The following DNAAF11 variants were observed in gnomAD, a reference collection of about 807,000 sequenced individuals.
DNAAF11 encodes leucine rich repeat containing 6.
DNAAF11 carries 45 observed loss-of-function variants against 60.8 expected under a neutral mutation model. The observed-to-expected ratio is 0.74, with a 90% CI of 0.58 to 0.95. DNAAF11 has a LOEUF of 0.95. DNAAF11 is among the 40% of genes least tolerant of loss of function. The pLI is 0.00. For synonymous variants in DNAAF11, 191 were observed against 183.5 expected (o/e 1.04, Z -0.33); for missense variants, 546 against 546.2 (o/e 1.00, Z 0.00).
chr8:132,631,118 T>C (rs1279981665), intron 5 of DNAAF11, among the ~76,000 whole-genome samples: 2 of 152,230 alleles, frequency 1.3e-5, no homozygotes, highest in Non-Finnish European at 2.9e-5. Flanking sequence ...TAAATATTTA[T>C]TGGGCATCTT....
the DNAAF11 span, among the ~76,000 whole-genome samples, chr8:132,690,542 A>G: frequency 1.3e-5 from 2 of 152,212 alleles, no homozygotes; most frequent in East Asian, 3.8e-4. Context: ...TGATACAATT[A>G]GCATACTATA....
chr8:132,636,914 A>C (rs1393344442), intron 4 of DNAAF11, among the ~76,000 whole-genome samples: 2 of 152,242 alleles, frequency 1.3e-5, no homozygotes, highest in Non-Finnish European at 2.9e-5. Flanking sequence ...CAGAAGTCTA[A>C]GAAACAAACG....
At chr8:132,688,775 C>A in the DNAAF11 span, among the ~76,000 whole-genome samples, 1 of 152,128 alleles carries the variant, frequency 6.6e-6, no homozygotes, top group Admixed American at 6.6e-5. Context: ...CACTCTTGGA[C>A]TTTTTGTATA....
At chr8:132,637,270 CTG>C (rs1821399805) in intron 4 of DNAAF11, among the ~76,000 whole-genome samples, 1 of 152,154 alleles carries the variant, frequency 6.6e-6, no homozygotes, top group Admixed American at 6.6e-5. Flanking sequence ...GCACAGCAGT[CTG>C]TGTTTTGAAA....
chr8:132,572,573 G>T (rs16904707), intron 11 of DNAAF11, 93 bp from the exon 12 acceptor site: 4 of 882,328 alleles, frequency 4.5e-6, no homozygotes, highest in Non-Finnish European at 5.2e-6. Flanking sequence ...TTCAGCAAAC[G>T]TTGGCAAGTA....
At chr8:132,688,773 G>A in the DNAAF11 span, among the ~76,000 whole-genome samples, 2 of 152,096 alleles carry the variant, frequency 1.3e-5, no homozygotes, top group South Asian at 4.2e-4. Context: ...GTCACTCTTG[G>A]ACTTTTTGTA....
chr8:132,656,150 G>A (rs919294839), intron 3 of DNAAF11, among the ~76,000 whole-genome samples: 2 of 152,092 alleles, frequency 1.3e-5, no homozygotes, highest in Admixed American at 1.3e-4. Context: ...CAATGATTCC[G>A]GTACGTAGCC....
intron 1 of DNAAF11, among the ~76,000 whole-genome samples, chr8:132,662,087 G>C (rs527782458): frequency 6.6e-6 from 1 of 152,184 alleles, no homozygotes; most frequent in Admixed American, 6.5e-5. Context: ...AAAGGTCACA[G>C]GTCATTCATT....
the DNAAF11 span, among the ~76,000 whole-genome samples, chr8:132,685,273 A>C: frequency 6.6e-6 from 1 of 152,226 alleles, no homozygotes; most frequent in Non-Finnish European, 1.5e-5. Flanking sequence ...CATTAAGTTC[A>C]ACTAATTATG....
At chr8:132,646,219 T>G (rs1411354187) in intron 3 of DNAAF11, among the ~76,000 whole-genome samples, 1 of 152,172 alleles carries the variant, frequency 6.6e-6, no homozygotes, top group Admixed American at 6.5e-5. Flanking sequence ...ACCCAGAATT[T>G]CATATCCAGC....
chr8:132,651,526 C>T (rs1823012509), intron 3 of DNAAF11, among the ~76,000 whole-genome samples: 1 of 152,122 alleles, frequency 6.6e-6, no homozygotes, highest in African/African-American at 2.4e-5. Context: ...CCAGTTCATC[C>T]GTGTTAAAGC....
chr8:132,622,904 G>A (rs1819903099), intron 6 of DNAAF11: 4 of 426,208 alleles, frequency 9.4e-6, no homozygotes, highest in Admixed American at 8.3e-5. Context: ...GGTTGTATCT[G>A]TATCTGTACA....
At chr8:132,595,524 G>T (rs1048689599) in intron 10 of DNAAF11, among the ~76,000 whole-genome samples, 1 of 151,928 alleles carries the variant, frequency 6.6e-6, no homozygotes, top group South Asian at 2.1e-4. Context: ...GTTTCAACAC[G>T]GGAATAAAGC....
chr8:132,579,147 T>C (rs1294992163), intron 11 of DNAAF11, among the ~76,000 whole-genome samples: 1 of 152,210 alleles, frequency 6.6e-6, no homozygotes, highest in Non-Finnish European at 1.5e-5. Context: ...TGTTTTTCTC[T>C]GCAGCACATG....
the DNAAF11 span, among the ~76,000 whole-genome samples, chr8:132,684,104 A>G: frequency 6.6e-6 from 1 of 152,270 alleles, no homozygotes; most frequent in Non-Finnish European, 1.5e-5. Context: ...AAGACCAACT[A>G]CAAAGTTTTA....
chr8:132,668,735 C>CTGATTCTTGAAATGTGAGTAGATT (rs1824890832), intron 1 of DNAAF11, among the ~76,000 whole-genome samples: 1 of 152,154 alleles, frequency 6.6e-6, no homozygotes, highest in Non-Finnish European at 1.5e-5. Flanking sequence ...AGCCACCGCG[C>CTGATTCTTGAAATGTGAGTAGATT]CCGGCCCTGA....
Position 132,675,263 on chromosome 8 carries a change from AGATTAGGAACCT to A in DNAAF11, c.10+209_10+220del, listed in dbSNP as rs1825678664. On this transcript the variant is annotated intron_variant, in intron 1 of 11. Coordinates refer to ENST00000620350, the MANE Select transcript of DNAAF11 (RefSeq NM_012472.6). Reference sequence around the variant, plus strand: ...CTTCCCACGGCCCCGCCCATTTTACAGATTAGGAACCTGAGCTGGAAAAGGCCAGGCTGTCCG... The same window carrying A: ...CTTCCCACGGCCCCGCCCATTTTACAGAGCTGGAAAAGGCCAGGCTGTCCG... 16 of 467,286 alleles carry A rather than the reference AGATTAGGAACCT, an allele frequency of 3.4e-5. No homozygotes were observed. The East Asian group carries it at 5.4e-4, about 16-fold the overall frequency. 28.9% of individuals were successfully genotyped at this position (467,286 alleles called of 1,614,324 possible).
intron 1 of DNAAF11, among the ~76,000 whole-genome samples, chr8:132,671,959 A>G (rs1825229848): frequency 6.6e-6 from 1 of 152,168 alleles, no homozygotes; most frequent in African/African-American, 2.4e-5. Flanking sequence ...CTTAGCAAAG[A>G]TTTCTTGGAT....
chr8:132,656,204 G>A (rs1252074655), intron 3 of DNAAF11, among the ~76,000 whole-genome samples: 2 of 152,040 alleles, frequency 1.3e-5, no homozygotes, highest in Non-Finnish European at 2.9e-5. Context: ...GGTAATTGTA[G>A]GGAAGAAACT....
Sources: allele counts gnomAD v4.1 joint callset (sites outside exome capture counted in the v4.1 genomes callset), GRCh38; gene constraint gnomAD v4.1.1; transcripts MANE v1.5; gene names NCBI Gene and HGNC (gene_info 2026-07-23, HGNC 2026-07-21).